ATP8A2: variants seen among roughly 807,000 people sequenced by gnomAD.
The protein encoded by ATP8A2 is ATPase phospholipid transporting 8A2, also known as phospholipid-transporting ATPase IB.
In ATP8A2, 100 loss-of-function variants were observed where a neutral mutation model predicts 165.6. The observed-to-expected ratio is 0.60, with a 90% CI of 0.51 to 0.71. The LOEUF (loss-of-function observed/expected upper bound fraction) is 0.71, where lower values mean the gene tolerates loss of function less well. Among genes scored for constraint, ATP8A2 ranks in the 30% least tolerant of loss-of-function variants. The probability of loss-of-function intolerance (pLI) is 0.00; values close to 1 mark genes in which losing one functional copy is unlikely to be tolerated. For missense variants in ATP8A2, 1,227 were observed against 1,479.5 expected, an observed-to-expected ratio of 0.83 and a Z score of 2.80; for synonymous variants, 543 against 548.8, an observed-to-expected ratio of 0.99 and a Z score of 0.15.
chr13:25,964,484 G>C (rs768637905), intron 34 of ATP8A2, among the ~76,000 whole-genome samples: 5 of 152,284 alleles, frequency 3.3e-5, no homozygotes, highest in African/African-American at 1.2e-4. Flanking sequence ...TGCCTATTGT[G>C]AATCAGTTAC....
At chr13:25,565,502 T>C (rs895324703) in intron 16 of ATP8A2, among the ~76,000 whole-genome samples, 2 of 152,248 alleles carry the variant, frequency 1.3e-5, no homozygotes, top group Admixed American at 6.5e-5. Flanking sequence ...TTTTGTCATA[T>C]GTTTGTTGGC....
intron 33 of ATP8A2, among the ~76,000 whole-genome samples, chr13:25,889,885 G>A (rs936523498): frequency 6.6e-6 from 1 of 151,720 alleles, no homozygotes; most frequent in Non-Finnish European, 1.5e-5. Context: ...AAATTTGGCC[G>A]GGCGCGGTGG....
intron 2 of ATP8A2, among the ~76,000 whole-genome samples, chr13:25,500,673 C>T (rs911744574): frequency 1.3e-5 from 2 of 152,126 alleles, no homozygotes; most frequent in African/African-American, 4.8e-5. Context: ...CCAACCTCCA[C>T]GGCTCAGGTG....
intron 35 of ATP8A2, among the ~76,000 whole-genome samples, chr13:25,998,325 C>A (rs760327025): frequency 2.0e-5 from 3 of 152,156 alleles, no homozygotes; most frequent in Non-Finnish European, 4.4e-5. Context: ...CCTGCTTGGT[C>A]TTCTTTTTCA....
intron 33 of ATP8A2, among the ~76,000 whole-genome samples, chr13:25,945,274 A>C (rs1186032414): frequency 5.6e-5 from 8 of 142,466 alleles, no homozygotes; most frequent in African/African-American, 1.9e-4. Flanking sequence ...CATTCTGTCA[A>C]ATGCGTGGCT....
chr13:25,387,990 G>A (rs1455427116), intron 1 of ATP8A2, among the ~76,000 whole-genome samples: 1 of 152,062 alleles, frequency 6.6e-6, no homozygotes, highest in African/African-American at 2.4e-5. Flanking sequence ...TTGAGCCTGG[G>A]AGGCAGAGGC....
At chr13:25,660,880 A>G (rs969813846) in intron 24 of ATP8A2, among the ~76,000 whole-genome samples, 1 of 152,168 alleles carries the variant, frequency 6.6e-6, no homozygotes, top group Non-Finnish European at 1.5e-5. Flanking sequence ...GGCTTCATGA[A>G]GACAATACAT....
At chr13:25,722,752 C>T (rs749142957) in intron 25 of ATP8A2, among the ~76,000 whole-genome samples, 4 of 152,164 alleles carry the variant, frequency 2.6e-5, no homozygotes, top group African/African-American at 7.2e-5. Flanking sequence ...AATTCCCTGG[C>T]TAAGACACTC....
intron 27 of ATP8A2, among the ~76,000 whole-genome samples, chr13:25,795,973 AG>A (rs1458910023): frequency 1.3e-5 from 2 of 151,506 alleles, no homozygotes; most frequent in African/African-American, 4.9e-5. Flanking sequence ...TTTAAAAGAC[AG>A]GGTCTTGCTC....
chr13:25,587,264 T>C lies in ATP8A2; in HGVS notation c.2147-2371T>C, dbSNP rs544511333. 3.6e-4 allele frequency among the ~76,000 whole-genome samples: 55 copies of C among 152,346 alleles called. 2 individuals carry two copies. Among genetic ancestry groups the C allele is most frequent in the African/African-American group, 1.2e-3 (50 of 41,586 alleles). ...CTGGGTTAAACTTCCCTGGTCTGTC[T>C]AGTGCGAGTGCTCCAACTGATAATT... On this transcript the variant is annotated intron_variant, in intron 23 of 36. Coordinates refer to ENST00000381655, the MANE Select transcript of ATP8A2 (RefSeq NM_016529.6).
intron 25 of ATP8A2, among the ~76,000 whole-genome samples, chr13:25,742,655 TTCTCTC>T (rs10564366): frequency 1.4e-5 from 2 of 144,908 alleles, no homozygotes; most frequent in Admixed American, 1.4e-4. Flanking sequence ...CACTCCACTT[TTCTCTC>T]TCTCTCTCTC....
intron 27 of ATP8A2, among the ~76,000 whole-genome samples, chr13:25,780,999 C>T (rs928918567): frequency 1.3e-5 from 2 of 152,140 alleles, no homozygotes; most frequent in African/African-American, 2.4e-5. Flanking sequence ...CGAATTCTCA[C>T]GCCTGTAATC....
intron 2 of ATP8A2, among the ~76,000 whole-genome samples, chr13:25,488,746 G>A (rs902830904): frequency 1.3e-5 from 2 of 151,972 alleles, no homozygotes; most frequent in Non-Finnish European, 2.9e-5. Context: ...TCTATCACAC[G>A]GTCATTTTTG....
At chr13:25,440,113 A>G (rs540925036) in intron 1 of ATP8A2, among the ~76,000 whole-genome samples, 4 of 149,520 alleles carry the variant, frequency 2.7e-5, no homozygotes, top group South Asian at 4.3e-4. Flanking sequence ...TTAATTCTGC[A>G]TGAAGATGCA....
chr13:25,486,583 T>C (rs550232425), intron 2 of ATP8A2, among the ~76,000 whole-genome samples: 17 of 152,330 alleles, frequency 1.1e-4, no homozygotes, highest in African/African-American at 3.6e-4. Context: ...AAGAAACTTA[T>C]GTGCTGCTTA....
At chr13:25,653,239 G>A (rs1225536718) in intron 24 of ATP8A2, among the ~76,000 whole-genome samples, 1 of 152,072 alleles carries the variant, frequency 6.6e-6, no homozygotes, top group Non-Finnish European at 1.5e-5. Context: ...GGATAAAGGT[G>A]GTACATATAC....
At chr13:25,389,292 C>A (rs1164343462) in intron 1 of ATP8A2, among the ~76,000 whole-genome samples, 1 of 152,166 alleles carries the variant, frequency 6.6e-6, no homozygotes, top group Non-Finnish European at 1.5e-5. Context: ...ATAATTATTT[C>A]TGTCATATTT....
intron 24 of ATP8A2, among the ~76,000 whole-genome samples, chr13:25,601,199 A>G (rs1232181860): frequency 1.3e-5 from 2 of 152,206 alleles, no homozygotes; most frequent in Admixed American, 1.3e-4. Flanking sequence ...TCTTTGCCCT[A>G]TGGTAAATTC....
At chr13:25,886,559 C>A (rs776699277) in intron 33 of ATP8A2, among the ~76,000 whole-genome samples, 1 of 152,222 alleles carries the variant, frequency 6.6e-6, no homozygotes, top group Non-Finnish European at 1.5e-5. Flanking sequence ...TAATCTCGCT[C>A]ACGTGGTTTC....
Sources: gnomAD v4.1 joint callset for allele counts (sites outside exome capture counted in the v4.1 genomes callset) on GRCh38, gnomAD v4.1.1 for gene constraint, MANE v1.5 for transcripts, NCBI Gene and HGNC (gene_info 2026-07-23, HGNC 2026-07-21) for gene names.